Variants in ZMYND11 observed in about 807,000 individuals in gnomAD.
The protein encoded by ZMYND11 is zinc finger MYND-type containing 11.
A neutral mutation model predicts 84.9 loss-of-function variants in ZMYND11; 9 were observed. The observed-to-expected ratio is 0.11, with a 90% CI of 0.06 to 0.18. The LOEUF is 0.18. ZMYND11 is among the 10% of genes least tolerant of loss of function. ZMYND11 has a pLI of 1.00. For synonymous variants in ZMYND11, 250 were observed against 244.1 expected, an observed-to-expected ratio of 1.02 and a Z score of -0.23; for missense variants, 409 against 761.0, an observed-to-expected ratio of 0.54 and a Z score of 5.44.
chr10:196,118 C>T (rs1270159222), intron 2 of ZMYND11, among the ~76,000 whole-genome samples: 5 of 152,174 alleles, frequency 3.3e-5, no homozygotes. Flanking sequence ...CAGTAATTAT[C>T]ATAATTTAAG....
chr10:199,767 C>A (rs1942681257), intron 2 of ZMYND11, among the ~76,000 whole-genome samples: 1 of 152,112 alleles, frequency 6.6e-6, no homozygotes, highest in Non-Finnish European at 1.5e-5. Context: ...ATTTTATTAA[C>A]TGCATAGTAT....
intron 8 of ZMYND11, among the ~76,000 whole-genome samples, chr10:240,316 C>T (rs1429220732): frequency 6.6e-6 from 1 of 152,048 alleles, no homozygotes; most frequent in Non-Finnish European, 1.5e-5. Flanking sequence ...CCATCCTGGC[C>T]AACATGGTGA....
chr10:154,411 G>GA (rs1433557735), intron 1 of ZMYND11, among the ~76,000 whole-genome samples: 2 of 152,084 alleles, frequency 1.3e-5, no homozygotes, highest in African/African-American at 2.4e-5. Context: ...ACAAAAAGCA[G>GA]AAAAAAGCAA....
intron 10 of ZMYND11, among the ~76,000 whole-genome samples, chr10:243,986 T>G (rs996441249): frequency 6.6e-6 from 1 of 152,176 alleles, no homozygotes; most frequent in Non-Finnish European, 1.5e-5. Flanking sequence ...GTCAAGCTTC[T>G]TAGGTCCTGG....
chr10:150,460 C>T (rs185535283), intron 1 of ZMYND11, among the ~76,000 whole-genome samples: 63 of 152,238 alleles, frequency 4.1e-4, no homozygotes, highest in Admixed American at 2.1e-3. Context: ...GTGGTGATAT[C>T]CCCTTTATCA....
At chr10:170,633 T>A (rs146386842) in intron 1 of ZMYND11, among the ~76,000 whole-genome samples, 7 of 152,212 alleles carry the variant, frequency 4.6e-5, no homozygotes, top group Non-Finnish European at 8.8e-5. Context: ...CTTGGGTTAA[T>A]TGTAATGTAT....
intron 2 of ZMYND11, among the ~76,000 whole-genome samples, chr10:190,767 AT>A (rs1372984005): frequency 6.6e-6 from 1 of 151,964 alleles, no homozygotes; most frequent in Non-Finnish European, 1.5e-5. Context: ...TTCATTTTGT[AT>A]TTTTCCTTCA....
At chr10:202,313 C>A (rs1340376154) in intron 2 of ZMYND11, among the ~76,000 whole-genome samples, 4 of 152,052 alleles carry the variant, frequency 2.6e-5, no homozygotes, top group African/African-American at 9.7e-5. Flanking sequence ...GTATGAATTT[C>A]TTTGAACTTA....
chr10:158,995 T>G (rs868958280), intron 1 of ZMYND11, among the ~76,000 whole-genome samples: 17 of 146,700 alleles, frequency 1.2e-4, no homozygotes, highest in East Asian at 2.0e-4. Flanking sequence ...TTTTTTGTTT[T>G]TTTTTTTTTT....
At chr10:171,414 C>A (rs531123453) in intron 1 of ZMYND11, among the ~76,000 whole-genome samples, 1 of 152,048 alleles carries the variant, frequency 6.6e-6, no homozygotes, top group Non-Finnish European at 1.5e-5. Context: ...AGACCACATT[C>A]GATGCCATAA....
At chr10:236,593 A>C (rs1950013246) in intron 4 of ZMYND11, among the ~76,000 whole-genome samples, 1 of 152,230 alleles carries the variant, frequency 6.6e-6, no homozygotes, top group Non-Finnish European at 1.5e-5. Context: ...GAAAAGAAAA[A>C]ATATATAATC....
At chr10:227,053 A>G (rs908497453) in intron 4 of ZMYND11, among the ~76,000 whole-genome samples, 5 of 152,246 alleles carry the variant, frequency 3.3e-5, no homozygotes, top group Admixed American at 6.5e-5. Context: ...AATCAAAATC[A>G]GCCCACTTAA....
At chr10:195,453 G>C (rs1941495179) in intron 2 of ZMYND11, among the ~76,000 whole-genome samples, 1 of 152,142 alleles carries the variant, frequency 6.6e-6, no homozygotes, top group Admixed American at 6.6e-5. Flanking sequence ...CAGTAGAATG[G>C]ATAGTCATAT....
intron 1 of ZMYND11, among the ~76,000 whole-genome samples, chr10:155,953 C>T (rs1841616559): frequency 6.6e-6 from 1 of 152,164 alleles, no homozygotes; most frequent in African/African-American, 2.4e-5. Context: ...CATTGAGTGG[C>T]AAACCTTGAG....
chr10:134,052 G>A (rs1835412290), upstream of ZMYND11, among the ~76,000 whole-genome samples: 1 of 152,028 alleles, frequency 6.6e-6, no homozygotes, highest in Non-Finnish European at 1.5e-5. Context: ...TTTTCAGGTG[G>A]GGACACGTGC....
intron 4 of ZMYND11, among the ~76,000 whole-genome samples, chr10:231,693 G>T (rs1157139602): frequency 6.6e-6 from 1 of 152,168 alleles, no homozygotes; most frequent in Non-Finnish European, 1.5e-5. Context: ...TTTCTACCTA[G>T]AGTCATCCGA....
chr10:141,456 A>G (rs1042824207), intron 1 of ZMYND11, among the ~76,000 whole-genome samples: 1 of 152,240 alleles, frequency 6.6e-6, no homozygotes, highest in Non-Finnish European at 1.5e-5. Context: ...GAGCTAAATC[A>G]GCTACTGCAC....
At chr10:177,860 G>A (rs1053993256) in intron 1 of ZMYND11, among the ~76,000 whole-genome samples, 7 of 152,004 alleles carry the variant, frequency 4.6e-5, no homozygotes, top group African/African-American at 1.4e-4. Flanking sequence ...TACTACTTGC[G>A]TAAAATATAG....
chr10:211,173 C>T (rs142968859), intron 3 of ZMYND11, among the ~76,000 whole-genome samples: 69 of 150,486 alleles, frequency 4.6e-4, no homozygotes, highest in South Asian at 1.3e-3. Context: ...GTAGCCTGGG[C>T]GACAGAGCAA....
Sources: gnomAD v4.1 joint callset for allele counts (sites outside exome capture counted in the v4.1 genomes callset) on GRCh38, gnomAD v4.1.1 for gene constraint, MANE v1.5 for transcripts, NCBI Gene and HGNC (gene_info 2026-07-23, HGNC 2026-07-21) for gene names.